PRAMEF33: variants seen among roughly 807,000 people sequenced by gnomAD.
PRAMEF33 encodes the protein PRAME family member 33, also known as PRAME family member 10-like.
Under a neutral mutation model 28.1 loss-of-function variants are expected in PRAMEF33, and 5 were observed. That is an observed-to-expected ratio of 0.18 (90% CI 0.09 to 0.37). PRAMEF33 has a LOEUF of 0.37. Ranked by LOEUF, PRAMEF33 falls within the 10% of genes least tolerant of loss-of-function variation. PRAMEF33 has a pLI of 1.00. For missense variants in PRAMEF33, 62 were observed against 471.1 expected (o/e 0.13, Z 8.04); for synonymous variants, 28 against 183.2 (o/e 0.15, Z 6.84).
chr1:13,304,435 T>G (rs1639838966), intron 1 of PRAMEF33: 1 of 140,410 alleles, frequency 7.1e-6, no homozygotes. Context: ...AAGAGGATCT[T>G]TGACCTTAAT....
At chr1:13,308,073 G>A (rs1639888499) in intron 3 of PRAMEF33, 1 of 406,682 alleles carries the variant, frequency 2.5e-6, no homozygotes, top group African/African-American at 2.0e-5. Context: ...TGAAAGGACT[G>A]AGCCTAAAAT....
chr1:13,307,856 CAA>C (rs1284944139), intron 3 of PRAMEF33: 15 of 118,502 alleles, frequency 1.3e-4, no homozygotes, highest in South Asian at 2.9e-4. Flanking sequence ...GAGACTGTCT[CAA>C]AAAAAAAAAA....
rs1445344987 is a variant in PRAMEF33 at position 13,308,808 on chromosome 1, G to C, written c.1346G>C (p.Arg449Thr). 1.1e-5 allele frequency: 17 copies of C among 1,601,222 alleles called. No homozygotes were observed. In the East Asian group the frequency reaches 3.6e-4, roughly 34 times the overall value. ...RTLREVRQPKRIFFGPVPCPT... is the reference protein window; with the variant it reads ...RTLREVRQPKTIFFGPVPCPT... ...CTCAGGGAAGTCAGGCAGCCCAAGA[G>C]GATCTTCTTTGGTCCCGTCCCTTGC... The change falls in exon 4 of 4, where the codon AGG becomes ACG. Residue 449 changes from arginine to threonine, a missense_variant. Coordinates refer to ENST00000437300, the MANE Select transcript of PRAMEF33 (RefSeq NM_001291381.1).
chr1:13,306,665 G>A lies in PRAMEF33; in HGVS notation c.315G>A (p.Leu105=). Residue 105 remains leucine, a synonymous_variant, in exon 3 of 4, where the codon TTG becomes TTA. Coordinates refer to ENST00000437300, the MANE Select transcript of PRAMEF33 (RefSeq NM_001291381.1). ...GGTGGAAACTTCAAGTGCTGGATTT[G>A]CAGGATGTTGATGAGAATTTCTGGA... ...PRRWKLQVLD[L]QDVDENFWTI... is the part of the protein sequence containing the mutation. The A allele has an allele frequency of 8.2e-7, 1 of 1,222,482 alleles. No homozygotes were observed. Among genetic ancestry groups the A allele is most frequent in the Admixed American group, 2.0e-5 (1 of 49,418 alleles). 75.7% of individuals were successfully genotyped at this position (1,222,482 alleles called of 1,614,324 possible).
At chr1:13,304,228 CT>C (rs1356134760) in intron 1 of PRAMEF33, 2 of 150,390 alleles carry the variant, frequency 1.3e-5, no homozygotes, top group Admixed American at 1.3e-4. Context: ...GGTGCTTGGC[CT>C]CTACAAAATA....
Position 13,308,487 on chromosome 1 carries a change from C to T in PRAMEF33, c.1025C>T (p.Ala342Val), listed in dbSNP as rs1553168298. 5,602 of 431,080 alleles carry T rather than the reference C, an allele frequency of 0.013. 1,794 individuals carry two copies. Among genetic ancestry groups the T allele is most frequent in the Admixed American group, 0.033 (566 of 17,220 alleles). The allele number at this position is 431,080 out of a possible 1,614,324, so 26.7% of individuals were successfully genotyped here. A position where few individuals can be genotyped will look rare whatever the true frequency, so the allele number is the denominator to read the frequency against. Residue 342 changes from alanine (A) to valine (V), a missense_variant, in exon 4 of 4, where the codon GCT becomes GTT. Ala to Val is a moderately conservative substitution (Grantham distance 64). Transcript: ENST00000437300. The part of the protein sequence containing the change: ...MWTTNLQPLG[A>V]LLEKVAATLK... ...ACCACCAATCTTCAGCCCCTTGGAG[C>T]TCTGCTAGAGAAAGTTGCTGCTACT...
rs1639902320 is a variant in PRAMEF33, at chr1:13,308,811, T to C, written c.1349T>C (p.Ile450Thr). The C allele has an allele frequency of 1.9e-6, 3 of 1,601,518 alleles. No individual in the cohort carries two copies. Among genetic ancestry groups the C allele is most frequent in the African/African-American group, 2.7e-5 (2 of 72,790 alleles). The change falls in exon 4 of 4, where the codon ATC becomes ACC. Residue 450 changes from isoleucine (I) to threonine (T), a missense_variant. Physicochemically the swap from Ile to Thr is moderately conservative, Grantham distance 89 (BLOSUM62 -1). Transcript: ENST00000437300. The stretch of plus-strand genomic sequence containing the variant: ...AGGGAAGTCAGGCAGCCCAAGAGGA[T>C]CTTCTTTGGTCCCGTCCCTTGCCCT... ...TLREVRQPKR[I>T]FFGPVPCPTC...
intron 1 of PRAMEF33, chr1:13,305,542 T>G (rs1639849390): frequency 5.7e-6 from 1 of 175,340 alleles, no homozygotes; most frequent in African/African-American, 2.9e-5. Context: ...GGGTGGAATG[T>G]TTGAGTCTAG....
chr1:13,308,884 C>G lies in PRAMEF33; in HGVS notation c.1422C>G (p.Ser474=). ...PSEKVDFHLC[S] is the part of the protein sequence containing the mutation. ...AGAAAGTGGACTTCCATCTTTGCTC[C>G]TAGGGAAGGCCTGGTTCGTGGGATG... The change falls in exon 4 of 4, where the codon TCC becomes TCG. Residue 474 remains serine, a synonymous_variant. Transcript: ENST00000437300. The G allele has an allele frequency of 6.2e-7, 1 of 1,604,754 alleles. No individual in the cohort carries two copies. Among genetic ancestry groups the G allele is most frequent in the Non-Finnish European group, 8.5e-7 (1 of 1,176,092 alleles).
At chr1:13,305,063 TTCTCTC>T (rs1186530176) in intron 1 of PRAMEF33, 13 of 10,112 alleles carry the variant, frequency 1.3e-3, no homozygotes, top group South Asian at 0.011. Context: ...TCCAATGTAG[TTCTCTC>T]TCTCTCTCTC....
chr1:13,306,318 G>C, intron 2 of PRAMEF33, 77 bp downstream of exon 2: 1 of 1,575,278 alleles, frequency 6.3e-7, no homozygotes, highest in Non-Finnish European at 8.6e-7. Context: ...AGGAGTGGTG[G>C]GGTTGGGGAG....
In PRAMEF33 at chr1:13,308,833, C is replaced by A. The variant is rs1198055425; in HGVS notation, c.1371C>A (p.Cys457Ter). The change falls in exon 4 of 4, where the codon TGC becomes TGA. Residue 457 changes from cysteine to a stop codon, truncating the protein, a stop_gained. Transcript: ENST00000437300. LOFTEE classifies it high-confidence loss of function. Reference protein sequence around the residue: ...PKRIFFGPVPCPTCGSWPSEK... With the variant: ...PKRIFFGPVP ...GGATCTTCTTTGGTCCCGTCCCTTG[C>A]CCTACCTGTGGCTCATGGCCATCTG... 2 of 1,604,384 alleles carry A rather than the reference C, an allele frequency of 1.2e-6. No individual in the cohort carries two copies. Among genetic ancestry groups the A allele is most frequent in the Non-Finnish European group, 1.7e-6 (2 of 1,176,088 alleles).
intron 3 of PRAMEF33, chr1:13,308,045 C>G (rs1425271534): frequency 7.6e-4 from 279 of 369,320 alleles, no homozygotes; most frequent in Non-Finnish European, 1.2e-3. Context: ...AGAGTGGTAC[C>G]AATCACACAG....
Position 13,306,977 on chromosome 1 carries a change from G to T in PRAMEF33, c.627G>T (p.Glu209Asp). ...LERIYPDSIQELEVWKKCSLN... is the reference protein window; with the variant it reads ...LERIYPDSIQDLEVWKKCSLN... ...GGATATACCCAGACAGTATCCAGGA[G>T]TTGGAAGTCTGGAAAAAGTGCTCTC... is the stretch of plus-strand genomic sequence containing the variant. Residue 209 changes from glutamate to aspartate, a missense_variant, in exon 3 of 4, where the codon GAG becomes GAT. By Grantham distance (45) the Glu-to-Asp change is conservative. Transcript: ENST00000437300. 1.4e-6 allele frequency: 1 copy of T among 710,768 alleles called. No homozygotes were observed. Among genetic ancestry groups the T allele is most frequent in the South Asian group, 1.8e-5 (1 of 54,278 alleles). 44.0% of individuals were successfully genotyped at this position (710,768 alleles called of 1,614,324 possible).
At chr1:13,304,636 TA>T (rs1639841249) in intron 1 of PRAMEF33, 18 of 63,320 alleles carry the variant, frequency 2.8e-4, no homozygotes, top group Admixed American at 7.0e-4. Flanking sequence ...GAGACTCAGC[TA>T]CCCCGACACG....
chr1:13,304,365 T>A (rs1369130232), intron 1 of PRAMEF33: 2 of 145,246 alleles, frequency 1.4e-5, no homozygotes, highest in Non-Finnish European at 3.0e-5. Context: ...CTCATACCAC[T>A]GCTGTACTCC....
Position 13,306,820 on chromosome 1 carries a change from A to T in PRAMEF33, c.470A>T (p.Glu157Val). The change falls in exon 3 of 4, where the codon GAA becomes GTA. Residue 157 changes from glutamate (E) to valine (V), a missense_variant. Glu to Val is a moderately radical substitution (Grantham distance 121). Transcript: ENST00000437300. ...LKVFIDLCLK[E>V]STLDECLSYL... Reference sequence around the variant, plus strand: ...GTGTTCATAGACCTCTGCCTAAAGGAAAGTACACTGGATGAATGCCTGAGC... The same window carrying T: ...GTGTTCATAGACCTCTGCCTAAAGGTAAGTACACTGGATGAATGCCTGAGC... 7.2e-7 allele frequency: 1 copy of T among 1,395,824 alleles called. No individual in the cohort carries two copies. The highest frequency in any genetic ancestry group is 9.8e-7 in the Non-Finnish European group (1 of 1,024,180). The allele number at this position is 1,395,824 out of a possible 1,614,324, so 86.5% of individuals were successfully genotyped here. A position where few individuals can be genotyped will look rare whatever the true frequency, so the allele number is the denominator to read the frequency against.
In PRAMEF33 at chr1:13,308,820, G is replaced by A; in HGVS notation, c.1358G>A (p.Gly453Asp). ...EVRQPKRIFF[G>D]PVPCPTCGSW... ...AGGCAGCCCAAGAGGATCTTCTTTG[G>A]TCCCGTCCCTTGCCCTACCTGTGGC... Residue 453 changes from glycine (G) to aspartate (D), a missense_variant, in exon 4 of 4, where the codon GGT becomes GAT. Coordinates refer to ENST00000437300, the MANE Select transcript of PRAMEF33 (RefSeq NM_001291381.1). 6.2e-7 allele frequency: 1 copy of A among 1,603,076 alleles called. No individual in the cohort carries two copies. Among genetic ancestry groups the A allele is most frequent in the South Asian group, 1.1e-5 (1 of 90,496 alleles).
chr1:13,305,353 C>T (rs1639847446), intron 1 of PRAMEF33: 1 of 127,146 alleles, frequency 7.9e-6, no homozygotes, highest in Non-Finnish European at 1.6e-5. Flanking sequence ...TGAGTCACTG[C>T]GCACAGCCAA....
Sources: allele counts gnomAD v4.1 joint callset, GRCh38; gene constraint gnomAD v4.1.1; transcripts MANE v1.5; gene names NCBI Gene and HGNC (gene_info 2026-07-23, HGNC 2026-07-21).